Variants in TNRC6B observed in about 807,000 individuals in gnomAD.
TNRC6B encodes the protein trinucleotide repeat-containing gene 6B protein.
In TNRC6B, 52 loss-of-function variants were observed where a neutral mutation model predicts 203.6. The ratio of observed to expected loss-of-function variants is 0.26; its 90% CI spans 0.20 to 0.32. The LOEUF (loss-of-function observed/expected upper bound fraction) is 0.32, where lower values mean the gene tolerates loss of function less well. Among genes scored for constraint, TNRC6B ranks in the 10% least tolerant of loss-of-function variants. The pLI is 1.00. For missense variants in TNRC6B, 1,923 were observed against 2,286.2 expected (o/e 0.84, Z 3.24); for synonymous variants, 838 against 845.7 (o/e 0.99, Z 0.16).
chr22:40,116,923 G>T (rs2068392426), intron 1 of TNRC6B: 1 of 152,386 alleles, frequency 6.6e-6, no homozygotes. Context: ...GCTCTGAGGG[G>T]TTGGGCTGCG....
At chr22:40,240,157 A>G (rs1208066773) in intron 1 of TNRC6B, among the ~76,000 whole-genome samples, 1 of 152,178 alleles carries the variant, frequency 6.6e-6, no homozygotes, top group Non-Finnish European at 1.5e-5. Flanking sequence ...CTATTCAGGT[A>G]CAAGTCACTT....
At chr22:40,215,651 G>T (rs979842594) in intron 1 of TNRC6B, among the ~76,000 whole-genome samples, 1 of 152,148 alleles carries the variant, frequency 6.6e-6, no homozygotes, top group Admixed American at 6.5e-5. Context: ...TCTTCCCTTT[G>T]TTCCCCCAGC....
At chr22:40,298,573 A>G (rs1434862064) in intron 12 of TNRC6B, among the ~76,000 whole-genome samples, 2 of 152,276 alleles carry the variant, frequency 1.3e-5, no homozygotes, top group Non-Finnish European at 2.9e-5. Flanking sequence ...ATAAAATCTA[A>G]TAATGACTGA....
At chr22:40,164,225 GAA>G (rs11286129) in intron 4 of TNRC6B, among the ~76,000 whole-genome samples, 49 of 145,188 alleles carry the variant, frequency 3.4e-4, no homozygotes, top group Admixed American at 4.8e-4. Flanking sequence ...CTACTAAAAA[GAA>G]AAAAAAAAAA....
chr22:40,270,244 A>G lies in TNRC6B; in HGVS notation c.2929A>G (p.Asn977Asp), dbSNP rs1601475289. 6.7e-7 allele frequency: 1 copy of G among 1,495,090 alleles called. No individual in the cohort carries two copies. Among genetic ancestry groups the G allele is most frequent in the South Asian group, 1.3e-5 (1 of 77,938 alleles). The allele number at this position is 1,495,090 out of a possible 1,614,324, so 92.6% of individuals were successfully genotyped here. Reference sequence around the variant, plus strand: ...AGGAGCATCGACCACAGGCTGGGGGAACACGCCCGCCAACGCTCCCAATGC... The same window carrying G: ...AGGAGCATCGACCACAGGCTGGGGGGACACGCCCGCCAACGCTCCCAATGC... The part of the protein sequence containing the change: ...DTGASTTGWG[N>D]TPANAPNAMK... The change falls in exon 6 of 23, where the codon AAC (asparagine) becomes GAC (aspartate). Residue 977 changes from asparagine to aspartate, a missense_variant. Coordinates refer to ENST00000454349, the MANE Select transcript of TNRC6B (RefSeq NM_001162501.2).
chr22:40,297,267 C>T (rs184119575), intron 12 of TNRC6B, among the ~76,000 whole-genome samples: 64 of 152,260 alleles, frequency 4.2e-4, no homozygotes, highest in South Asian at 1.2e-3. Context: ...CTAGGCTGAT[C>T]GTTTCATATT....
intron 1 of TNRC6B, among the ~76,000 whole-genome samples, chr22:40,102,656 G>A (rs2068249620): frequency 6.6e-6 from 1 of 152,042 alleles, no homozygotes; most frequent in African/African-American, 2.4e-5. Context: ...ATAGTAAATT[G>A]CCCAGTTGTG....
chr22:40,072,317 G>T (rs911774168), intron 1 of TNRC6B, among the ~76,000 whole-genome samples: 12 of 152,154 alleles, frequency 7.9e-5, no homozygotes, highest in Admixed American at 2.6e-4. Flanking sequence ...AAGAAACGGG[G>T]TGTTGGCTCA....
At chr22:40,172,118 G>C (rs772375745) in intron 4 of TNRC6B, among the ~76,000 whole-genome samples, 1 of 152,084 alleles carries the variant, frequency 6.6e-6, no homozygotes, top group African/African-American at 2.4e-5. Context: ...GACCTCAAGA[G>C]ATCCGCCTGC....
At chr22:40,229,242 C>T (rs1031421020) in intron 1 of TNRC6B, among the ~76,000 whole-genome samples, 3 of 152,188 alleles carry the variant, frequency 2.0e-5, no homozygotes, top group Admixed American at 6.5e-5. Context: ...CAAGAGACTT[C>T]ATTACATTGA....
At chr22:40,112,091 C>T (rs1206164555) in intron 1 of TNRC6B, among the ~76,000 whole-genome samples, 1 of 151,994 alleles carries the variant, frequency 6.6e-6, no homozygotes, top group Non-Finnish European at 1.5e-5. Flanking sequence ...CAGAGTGAGA[C>T]TCCCTCTCAA....
At chr22:40,047,587 G>T (rs925631508) in intron 1 of TNRC6B, among the ~76,000 whole-genome samples, 1 of 151,750 alleles carries the variant, frequency 6.6e-6, no homozygotes, top group Non-Finnish European at 1.5e-5. Context: ...TGGGCAACAA[G>T]AGCGAAATTC....
chr22:40,237,344 G>T (rs2069961637), intron 1 of TNRC6B, among the ~76,000 whole-genome samples: 1 of 152,172 alleles, frequency 6.6e-6, no homozygotes, highest in Non-Finnish European at 1.5e-5. Flanking sequence ...TGGGTTGTGA[G>T]GTGAGGTAGG....
At position 40,280,092 on chromosome 22, in the gene TNRC6B, A is replaced by G. The variant is rs547665100; in HGVS notation, c.3360A>G (p.Pro1120=). 6.2e-7 allele frequency: 1 copy of G among 1,613,900 alleles called. No homozygotes were observed. The change falls in exon 10 of 23, where the codon CCA becomes CCG. Residue 1120 remains proline, a synonymous_variant. Coordinates refer to ENST00000454349, the MANE Select transcript of TNRC6B (RefSeq NM_001162501.2). ...GGAAGGATCGATCTGGGTTCCGTCC[A>G]CCTAATTCCAAAGACATGGGAACCA... ...IMRKDRSGFR[P]PNSKDMGTTD...
chr22:40,096,122 G>A (rs925493754), intron 1 of TNRC6B, among the ~76,000 whole-genome samples: 1 of 152,130 alleles, frequency 6.6e-6, no homozygotes, highest in African/African-American at 2.4e-5. Context: ...GAACACATTG[G>A]TGCTTCTTAT....
At chr22:40,200,162 A>G (rs561885516) in intron 1 of TNRC6B, among the ~76,000 whole-genome samples, 1 of 151,618 alleles carries the variant, frequency 6.6e-6, no homozygotes, top group Non-Finnish European at 1.5e-5. Flanking sequence ...CAGGGCCTCA[A>G]GTTGACAACT....
chr22:40,269,336 G>A (rs746582161), intron 5 of TNRC6B, among the ~76,000 whole-genome samples: 2 of 151,764 alleles, frequency 1.3e-5, no homozygotes, highest in Non-Finnish European at 2.9e-5. Flanking sequence ...GTTTTGCCAT[G>A]TGGGTCTGGC....
intron 2 of TNRC6B, 36 bp downstream of exon 2, chr22:40,246,138 C>A: frequency 6.9e-7 from 1 of 1,455,710 alleles, no homozygotes; most frequent in Non-Finnish European, 9.3e-7. Context: ...TTTTTATCTG[C>A]TAGGCATCCA....
At chr22:40,131,162 C>T (rs1037298753) in intron 3 of TNRC6B, among the ~76,000 whole-genome samples, 3 of 152,036 alleles carry the variant, frequency 2.0e-5, no homozygotes, top group African/African-American at 4.8e-5. Flanking sequence ...CCTCGTGATC[C>T]GCCCGCCTCA....
Sources: allele counts gnomAD v4.1 joint callset (sites outside exome capture counted in the v4.1 genomes callset), GRCh38; gene constraint gnomAD v4.1.1; transcripts MANE v1.5; gene names NCBI Gene and HGNC (gene_info 2026-07-23, HGNC 2026-07-21).